Variants in MTAP observed in about 807,000 individuals in gnomAD.
MTAP encodes the protein methylthioadenosine phosphorylase.
In MTAP, 33 loss-of-function variants were observed where a neutral mutation model predicts 33.6. The observed-to-expected ratio is 0.98, with a 90% CI of 0.74 to 1.31. The LOEUF is 1.31. Among genes scored for constraint, MTAP ranks in the 40% most tolerant of loss-of-function variants. The pLI is 0.00. For missense variants in MTAP, 367 were observed against 360.0 expected (o/e 1.02, Z -0.16); for synonymous variants, 148 against 125.7 (o/e 1.18, Z -1.19).
At chr9:21,815,602 A>AAG in intron 2 of MTAP, 83 bp downstream of exon 2, 1 of 1,063,394 alleles carries the variant, frequency 9.4e-7, no homozygotes. Flanking sequence ...AAAAAAAAAA[A>AAG]AAGAATTGCT....
exon 8 of MTAP, chr9:21,937,581 T>A (rs1270609543): frequency 6.6e-6 from 1 of 152,202 alleles, no homozygotes; most frequent in Non-Finnish European, 1.5e-5. Flanking sequence ...GAAAATTGAA[T>A]CTTCCCAACA....
chr9:21,839,425 C>A (rs1825189886), intron 5 of MTAP, among the ~76,000 whole-genome samples: 1 of 152,066 alleles, frequency 6.6e-6, no homozygotes, highest in Non-Finnish European at 1.5e-5. Context: ...AATCTGAGGT[C>A]AGTTCTCAGG....
At chr9:21,803,025 CACACACACA>C in intron 1 of MTAP, 6 of 1,097,054 alleles carry the variant, frequency 5.5e-6, no homozygotes, top group Non-Finnish European at 4.9e-6. Flanking sequence ...CACACACACA[CACACACACA>C]CACCACCTTT....
chr9:21,818,570 C>T (rs774719596), intron 4 of MTAP, among the ~76,000 whole-genome samples: 70 of 152,212 alleles, frequency 4.6e-4, no homozygotes, highest in African/African-American at 1.6e-3. Flanking sequence ...CACCCGCCTC[C>T]GCCTCCCAAA....
chr9:21,845,557 G>A lies in MTAP; in HGVS notation c.450+7547G>A, dbSNP rs75371576. Among the ~76,000 whole-genome samples, 428 of 152,236 alleles carry A rather than the reference G, an allele frequency of 2.8e-3. 2 individuals are homozygous for A. The highest frequency in any genetic ancestry group is 9.0e-3 in the African/African-American group (373 of 41,560). ...ATGGAAACATACCATGCTCAGGGAT[G>A]GGCAGAATTAATATTGTTAAGAATT... On this transcript the variant is annotated intron_variant, in intron 5 of 7. Transcript: ENST00000644715.
chr9:21,879,779 C>G (rs1817976556), intron 1 of MTAP, among the ~76,000 whole-genome samples: 3 of 152,044 alleles, frequency 2.0e-5, no homozygotes, highest in South Asian at 2.1e-4. Flanking sequence ...CTTATTTCTC[C>G]TTTGCTTAGG....
In MTAP at chr9:21,854,812, G is replaced by C. The variant is rs752285749; in HGVS notation, c.632G>C (p.Cys211Ser). The C allele has an allele frequency of 6.2e-7, 1 of 1,614,150 alleles. No homozygotes were observed. The highest frequency in any genetic ancestry group is 1.1e-5 in the South Asian group (1 of 91,084). ...GTTCTTGCTAAGGAGGCTGGAATTT[G>C]TTACGCAAGTATCGCCATGGCGACA... is the stretch of plus-strand genomic sequence containing the variant. ...EVVLAKEAGI[C>S]YASIAMATDY... Residue 211 changes from cysteine to serine, a missense_variant, in exon 6 of 8, where the codon TGT becomes TCT. By Grantham distance (112) the Cys-to-Ser change is moderately radical. Coordinates refer to ENST00000644715, the MANE Select transcript of MTAP (RefSeq NM_002451.4).
intron 4 of MTAP, among the ~76,000 whole-genome samples, chr9:21,827,931 A>T (rs141803940): frequency 4.6e-5 from 7 of 152,388 alleles, no homozygotes; most frequent in African/African-American, 1.4e-4. Flanking sequence ...AGTATTACAG[A>T]TGATACTGTA....
In MTAP at chr9:21,864,637, C is replaced by T; in HGVS notation, c.*2623C>T. ...TGGCCCCTGTTCACTGCCCCCTTCGCTAGCACGAGTTGCTGTGCAGGGCTG... is the reference window on the plus strand; with the variant it reads ...TGGCCCCTGTTCACTGCCCCCTTCGTTAGCACGAGTTGCTGTGCAGGGCTG... On this transcript the variant is annotated 3_prime_UTR_variant, in exon 8 of 8. Coordinates refer to ENST00000644715, the MANE Select transcript of MTAP (RefSeq NM_002451.4). The T allele has an allele frequency of 1.0e-6, 1 of 985,536 alleles. No individual in the cohort carries two copies. Among genetic ancestry groups the T allele is most frequent in the Non-Finnish European group, 1.2e-6 (1 of 830,002 alleles). The allele number at this position is 985,536 out of a possible 1,614,324, so 61.0% of individuals were successfully genotyped here.
intron 4 of MTAP, among the ~76,000 whole-genome samples, chr9:21,823,095 G>A (rs1211215364): frequency 6.6e-6 from 1 of 152,186 alleles, no homozygotes; most frequent in Non-Finnish European, 1.5e-5. Context: ...TTGCCAGTCT[G>A]TGTCTTTTAA....
chr9:21,934,937 G>A (rs1453957587), downstream of MTAP: 1 of 152,170 alleles, frequency 6.6e-6, no homozygotes, highest in African/African-American at 2.4e-5. The surrounding 1 kb of genome is among the most constrained non-coding windows in gnomAD (Gnocchi z 5.0). Flanking sequence ...CTGACCTCAT[G>A]ATCTGCTCGC....
chr9:21,916,933 T>G (rs994589406), intron 1 of MTAP, among the ~76,000 whole-genome samples: 1 of 152,008 alleles, frequency 6.6e-6, no homozygotes, highest in Non-Finnish European at 1.5e-5. Context: ...GTTATTTAGG[T>G]GAGAAATAGA....
intron 6 of MTAP, among the ~76,000 whole-genome samples, chr9:21,857,701 A>G (rs1291573506): frequency 6.6e-6 from 1 of 152,246 alleles, no homozygotes; most frequent in Non-Finnish European, 1.5e-5. Context: ...CAATAATTTT[A>G]TCCATAAACA....
At chr9:21,806,328 A>T (rs1824206610) in intron 1 of MTAP, among the ~76,000 whole-genome samples, 1 of 152,048 alleles carries the variant, frequency 6.6e-6, no homozygotes, top group South Asian at 2.1e-4. Context: ...GAAGAACAGG[A>T]TGATTTCTGC....
intron 1 of MTAP, chr9:21,811,699 C>A (rs1436206173): frequency 3.8e-6 from 2 of 531,810 alleles, no homozygotes; most frequent in Non-Finnish European, 7.7e-6. Context: ...ACTCAGACAC[C>A]AGGTCGTTCA....
chr9:21,880,938 AC>A (rs540920483), intron 1 of MTAP, among the ~76,000 whole-genome samples: 11 of 151,944 alleles, frequency 7.2e-5, no homozygotes, highest in Non-Finnish European at 1.6e-4. Flanking sequence ...ATCTCAAAGG[AC>A]CCCCCAGTAG....
intron 1 of MTAP, among the ~76,000 whole-genome samples, chr9:21,877,027 G>T (rs1439305951): frequency 2.0e-5 from 3 of 151,994 alleles, no homozygotes; most frequent in Non-Finnish European, 4.4e-5. Context: ...TGTCATCTCT[G>T]ATTTCCTTGA....
At chr9:21,904,477 A>G (rs1818443272) in intron 1 of MTAP, among the ~76,000 whole-genome samples, 1 of 152,066 alleles carries the variant, frequency 6.6e-6, no homozygotes, top group Admixed American at 6.5e-5. Flanking sequence ...GCACTCCCAT[A>G]TCAATAGTAT....
intron 1 of MTAP, among the ~76,000 whole-genome samples, chr9:21,888,286 G>T (rs2118735694): frequency 6.6e-6 from 1 of 152,264 alleles, no homozygotes; most frequent in Middle Eastern, 3.4e-3. Context: ...TGAATAGAAT[G>T]TGTATTCTAC....
Sources: gnomAD v4.1 joint callset for allele counts (sites outside exome capture counted in the v4.1 genomes callset) on GRCh38, gnomAD v4.1.1 for gene constraint, Gnocchi (gnomAD v3.1) non-coding constraint, MANE v1.5 for transcripts, NCBI Gene and HGNC (gene_info 2026-07-23, HGNC 2026-07-21) for gene names.